IREB2: variants seen among roughly 807,000 people sequenced by gnomAD.
IREB2 encodes iron responsive element binding protein 2, also known as iron-responsive element-binding protein 2.
In IREB2, 39 loss-of-function variants were observed where a neutral mutation model predicts 118.8. The observed-to-expected ratio is 0.33, with a 90% CI of 0.25 to 0.43. The LOEUF is 0.43. Among genes scored for constraint, IREB2 ranks in the 20% least tolerant of loss-of-function variants. The pLI is 1.00. For missense variants in IREB2, 900 were observed against 1,147.3 expected (o/e 0.78, Z 3.11); for synonymous variants, 372 against 392.2 (o/e 0.95, Z 0.61).
intron 2 of IREB2, among the ~76,000 whole-genome samples, chr15:78,450,593 A>G (rs2051006690): frequency 6.6e-6 from 1 of 152,162 alleles, no homozygotes; most frequent in African/African-American, 2.4e-5. Flanking sequence ...GTAGGGGGCA[A>G]GAGCCCTTCA....
intron 20 of IREB2, among the ~76,000 whole-genome samples, chr15:78,494,954 A>G (rs1746859711): frequency 6.6e-6 from 1 of 152,206 alleles, no homozygotes; most frequent in African/African-American, 2.4e-5. Flanking sequence ...CAGAAGTAGT[A>G]GGCCAAGTTG....
intron 2 of IREB2, among the ~76,000 whole-genome samples, chr15:78,444,873 T>C (rs1175141302): frequency 6.6e-6 from 1 of 152,202 alleles, no homozygotes; most frequent in Non-Finnish European, 1.5e-5. Flanking sequence ...TAGAAAGGGA[T>C]ACCTGTACTT....
At chr15:78,440,131 ATAATG>A (rs1411670620) in intron 2 of IREB2, among the ~76,000 whole-genome samples, 25 of 152,158 alleles carry the variant, frequency 1.6e-4, no homozygotes, top group African/African-American at 6.0e-4. Context: ...AAAGAAACCA[ATAATG>A]CAGTTTTCAA....
At chr15:78,451,902 A>G (rs1000502022) in intron 2 of IREB2, among the ~76,000 whole-genome samples, 6 of 152,224 alleles carry the variant, frequency 3.9e-5, no homozygotes, top group Non-Finnish European at 7.4e-5. Flanking sequence ...ACCTTAGGTG[A>G]TCCACTCGCC....
At chr15:78,487,960 G>A in intron 14 of IREB2, 143 bp downstream of exon 14, 1 of 669,048 alleles carries the variant, frequency 1.5e-6, no homozygotes, top group Non-Finnish European at 2.5e-6. Flanking sequence ...ATCTTTAAAT[G>A]ATTCAATGAA....
intron 3 of IREB2, 78 bp downstream of exon 3, chr15:78,463,165 G>T (rs2051225316): frequency 8.0e-6 from 10 of 1,257,384 alleles, no homozygotes; most frequent in Non-Finnish European, 1.1e-5. Flanking sequence ...TTGGGTAGGT[G>T]TGGTTGTTCA....
chr15:78,463,655 A>G (rs761477260), intron 3 of IREB2, among the ~76,000 whole-genome samples: 4 of 152,180 alleles, frequency 2.6e-5, no homozygotes, highest in Non-Finnish European at 5.9e-5. Context: ...TGATCTCTCA[A>G]TAGGTTTCTC....
chr15:78,488,394 T>C lies in IREB2; in HGVS notation c.1951+58T>C. 3 of 1,393,196 alleles carry C rather than the reference T, an allele frequency of 2.2e-6. 1 individual carries two copies. Among genetic ancestry groups the C allele is most frequent in the South Asian group, 2.9e-5 (2 of 69,458 alleles). 86.3% of individuals were successfully genotyped at this position (1,393,196 alleles called of 1,614,324 possible). A position where few individuals can be genotyped will look rare whatever the true frequency, so the allele number is the denominator to read the frequency against. On this transcript the variant is annotated intron_variant, in intron 15 of 21. Transcript: ENST00000258886. ...ACATACTTTTCCCAATGGAAGTCGT[T>C]ATATTTTTGAAATGTTTCTTAGACC...
chr15:78,466,635 T>C (rs1595997023), intron 5 of IREB2, 146 bp downstream of exon 5: 3 of 616,232 alleles, frequency 4.9e-6, no homozygotes, highest in East Asian at 2.8e-5. Flanking sequence ...TTTCCTGTTA[T>C]ACTAAAAGAA....
rs2051918689 is a variant in IREB2, at chr15:78,500,299, A to G, written c.*2156A>G. On this transcript the variant is annotated 3_prime_UTR_variant, in exon 22 of 22. Transcript: ENST00000258886. ...TACCTGGTCCAGTAATAATACAAGC[A>G]AATCTTGTATTTCAGGAACAAATCA... The G allele has an allele frequency of 6.6e-6, 1 of 152,188 alleles. No homozygotes were observed. The highest frequency in any genetic ancestry group is 1.5e-5 in the Non-Finnish European group (1 of 68,034). The allele number at this position is 152,188 out of a possible 1,614,324, so 9.4% of individuals were successfully genotyped here.
At position 78,488,293 on chromosome 15, in the gene IREB2, C is replaced by T. The variant is rs138510786; in HGVS notation, c.1908C>T (p.Ala636=). The T allele has an allele frequency of 6.2e-7, 1 of 1,608,812 alleles. No individual in the cohort carries two copies. The highest frequency in any genetic ancestry group is 8.5e-7 in the Non-Finnish European group (1 of 1,178,416). ...CTCCACCCTTAGTGGTAGCTTATGC[C>T]ATAGCAGGCACAGTGAATATAGATT... ...LASPPLVVAY[A]IAGTVNIDFQ... Residue 636 remains alanine, a synonymous_variant, in exon 15 of 22, where the codon GCC becomes GCT. Transcript: ENST00000258886.
chr15:78,480,686 TAAAAAAAAA>T (rs373261767), intron 10 of IREB2, among the ~76,000 whole-genome samples: 1 of 89,742 alleles, frequency 1.1e-5, no homozygotes. Context: ...GAGACTGTCT[TAAAAAAAAA>T]AAAAAAAAAA....
Position 78,497,171 on chromosome 15 carries a change from G to T in IREB2, c.2641G>T (p.Asp881Tyr), listed in dbSNP as rs556090978. The T allele has an allele frequency of 4.3e-6, 7 of 1,613,874 alleles. No homozygotes were observed. In the South Asian group the frequency reaches 7.7e-5, roughly 18 times the overall value. ...CGAAAGTTATGAAAAAATACACAAA[G>T]ATCATTTGATTGGAATTGGCATAGC... ...LAESYEKIHK[D>Y]HLIGIGIAPL... The change falls in exon 21 of 22, where the codon GAT (aspartate) becomes TAT (tyrosine). Residue 881 changes from aspartate (D) to tyrosine (Y), a missense_variant. Asp to Tyr is a radical substitution (Grantham distance 160). Transcript: ENST00000258886.
chr15:78,486,482 A>G (rs986781004), intron 13 of IREB2, among the ~76,000 whole-genome samples: 3 of 152,162 alleles, frequency 2.0e-5, no homozygotes, highest in Admixed American at 6.5e-5. Context: ...ACGCACACCC[A>G]TAGTCCCAGC....
chr15:78,469,397 T>G (rs920308429), intron 5 of IREB2, among the ~76,000 whole-genome samples: 3 of 151,920 alleles, frequency 2.0e-5, no homozygotes, highest in African/African-American at 7.3e-5. Flanking sequence ...GACTCAACTA[T>G]GAATTATTAA....
chr15:78,455,588 GA>G (rs910252364), intron 2 of IREB2, among the ~76,000 whole-genome samples: 3 of 147,830 alleles, frequency 2.0e-5, no homozygotes, highest in African/African-American at 4.9e-5. Flanking sequence ...AAGAAAAAAA[GA>G]AAAAAACCAG....
chr15:78,486,468 G>C (rs2051661215), intron 13 of IREB2, among the ~76,000 whole-genome samples: 1 of 152,144 alleles, frequency 6.6e-6, no homozygotes, highest in South Asian at 2.1e-4. Context: ...AGCCAGGCGT[G>C]GTGACGCACA....
intron 20 of IREB2, among the ~76,000 whole-genome samples, chr15:78,496,543 C>T (rs1227343106): frequency 6.6e-6 from 1 of 152,092 alleles, no homozygotes; most frequent in Non-Finnish European, 1.5e-5. Context: ...GCTGGCATTA[C>T]AGGTGTGAGC....
At chr15:78,470,129 A>G (rs891532588) in intron 5 of IREB2, among the ~76,000 whole-genome samples, 1 of 152,278 alleles carries the variant, frequency 6.6e-6, no homozygotes, top group Admixed American at 6.5e-5. Flanking sequence ...AATGCTGCAT[A>G]GAAATAATCA....
Sources: gnomAD v4.1 joint callset for allele counts (sites outside exome capture counted in the v4.1 genomes callset) on GRCh38, gnomAD v4.1.1 for gene constraint, MANE v1.5 for transcripts, NCBI Gene and HGNC (gene_info 2026-07-23, HGNC 2026-07-21) for gene names.